ADIPOR2: variants seen among roughly 807,000 people sequenced by gnomAD.
ADIPOR2 encodes adiponectin receptor protein 2.
ADIPOR2 carries 18 observed loss-of-function variants against 40.9 expected under a neutral mutation model. The ratio of observed to expected loss-of-function variants is 0.44; its 90% CI spans 0.30 to 0.65. The LOEUF is 0.65. Ranked by LOEUF, ADIPOR2 falls within the 30% of genes least tolerant of loss-of-function variation. ADIPOR2 has a pLI of 0.09. For missense variants in ADIPOR2, 283 were observed against 479.2 expected, an observed-to-expected ratio of 0.59 and a Z score of 3.82; for synonymous variants, 165 against 166.4, an observed-to-expected ratio of 0.99 and a Z score of 0.06.
Position 1,757,732 on chromosome 12 carries a change from G to A in ADIPOR2, c.171+3218G>A, listed in dbSNP as rs1001445056. On this transcript the variant is annotated intron_variant, in intron 2 of 7. Coordinates refer to ENST00000357103, the MANE Select transcript of ADIPOR2 (RefSeq NM_024551.3). ...ATAGATGAGACGGAAATTCTCCCCC[G>A]TCTTGTCAATGCTGATGACATCCAT... is the stretch of plus-strand genomic sequence containing the variant. The A allele has an allele frequency of 1.1e-5, 14 of 1,288,638 alleles. No homozygotes were observed. The Admixed American group carries it at 1.5e-4, about 14-fold the overall frequency. The allele number at this position is 1,288,638 out of a possible 1,614,324, so 79.8% of individuals were successfully genotyped here.
In ADIPOR2 at chr12:1,787,854, G is replaced by C. The variant is rs1862870937; in HGVS notation, c.*1782G>C. The C allele has an allele frequency of 6.6e-6, 1 of 152,568 alleles. No homozygotes were observed. Among genetic ancestry groups the C allele is most frequent in the Non-Finnish European group, 1.5e-5 (1 of 68,068 alleles). 9.5% of individuals were successfully genotyped at this position (152,568 alleles called of 1,614,324 possible). A position where few individuals can be genotyped will look rare whatever the true frequency, so the allele number is the denominator to read the frequency against. On this transcript the variant is annotated 3_prime_UTR_variant, in exon 8 of 8. Coordinates refer to ENST00000357103, the MANE Select transcript of ADIPOR2 (RefSeq NM_024551.3). Reference sequence around the variant, plus strand: ...AGAAAGAATCCAGTGTAGAAGTTGAGAAGAACTTGAACGTTTTGGTTCTGG... The same window carrying C: ...AGAAAGAATCCAGTGTAGAAGTTGACAAGAACTTGAACGTTTTGGTTCTGG...
chr12:1,691,930 TAGAA>T (rs2094627979), intron 1 of ADIPOR2, among the ~76,000 whole-genome samples: 1 of 152,128 alleles, frequency 6.6e-6, no homozygotes, highest in African/African-American at 2.4e-5. Flanking sequence ...TGAATTTTGG[TAGAA>T]AGATTTAAAT....
intron 1 of ADIPOR2, among the ~76,000 whole-genome samples, chr12:1,720,345 G>C (rs1450429299): frequency 2.0e-5 from 3 of 152,136 alleles, no homozygotes; most frequent in Admixed American, 1.3e-4. Context: ...CTGGTGGGCA[G>C]GGGGTGGAGG....
chr12:1,707,089 T>C (rs1353254230), intron 1 of ADIPOR2, among the ~76,000 whole-genome samples: 1 of 152,228 alleles, frequency 6.6e-6, no homozygotes, highest in Non-Finnish European at 1.5e-5. Context: ...TCCATGTTGC[T>C]TTGTGTTCCA....
At chr12:1,743,515 T>C (rs2094748162) in intron 1 of ADIPOR2, among the ~76,000 whole-genome samples, 2 of 151,722 alleles carry the variant, frequency 1.3e-5, no homozygotes, top group Admixed American at 1.3e-4. Context: ...TACAAAAAAT[T>C]AAAAATTAGC....
At chr12:1,713,981 A>G (rs2094682836) in intron 1 of ADIPOR2, among the ~76,000 whole-genome samples, 1 of 152,088 alleles carries the variant, frequency 6.6e-6, no homozygotes, top group South Asian at 2.1e-4. Flanking sequence ...GGGTGATGAC[A>G]TGAGCTGGCG....
At chr12:1,727,089 A>G (rs1166873585) in intron 1 of ADIPOR2, among the ~76,000 whole-genome samples, 1 of 152,226 alleles carries the variant, frequency 6.6e-6, no homozygotes, top group African/African-American at 2.4e-5. Flanking sequence ...TTTGCACAGA[A>G]TACCTTCTCT....
At chr12:1,740,227 C>T (rs949980819) in intron 1 of ADIPOR2, among the ~76,000 whole-genome samples, 1 of 152,182 alleles carries the variant, frequency 6.6e-6, no homozygotes, top group African/African-American at 2.4e-5. Context: ...AAGTGATGTG[C>T]TATTCTATTG....
rs201082470 is a variant in ADIPOR2, at chr12:1,777,892, A to G, written c.330A>G (p.Val110=). ...GGTGGCGAGTGATCCCTCATGATGT[A>G]CTACCAGACTGGCTCAAGGATAATG... The part of the protein sequence containing the change: ...EGRWRVIPHD[V]LPDWLKDNDF... The change falls in exon 4 of 8, where the codon GTA becomes GTG. Residue 110 remains valine, a synonymous_variant. Transcript: ENST00000357103. 1.4e-5 allele frequency: 22 copies of G among 1,614,028 alleles called. No homozygotes were observed. Among genetic ancestry groups the G allele is most frequent in the Non-Finnish European group, 1.5e-5 (18 of 1,179,968 alleles).
intron 1 of ADIPOR2, among the ~76,000 whole-genome samples, chr12:1,722,161 C>T (rs1367212266): frequency 6.6e-6 from 1 of 152,086 alleles, no homozygotes. Flanking sequence ...TGGCTTGGGC[C>T]AGAGAGTAAA....
intron 1 of ADIPOR2, among the ~76,000 whole-genome samples, chr12:1,725,944 G>A (rs2094707112): frequency 6.6e-6 from 1 of 152,054 alleles, no homozygotes; most frequent in Non-Finnish European, 1.5e-5. Flanking sequence ...TGTATCAGTT[G>A]CAGTTTGGGA....
chr12:1,755,701 G>A (rs1181620850), intron 2 of ADIPOR2, among the ~76,000 whole-genome samples: 1 of 152,080 alleles, frequency 6.6e-6, no homozygotes, highest in African/African-American at 2.4e-5. Flanking sequence ...TATGTGCTTT[G>A]GAACTTCCAA....
intron 1 of ADIPOR2, among the ~76,000 whole-genome samples, chr12:1,723,244 T>A (rs2094701237): frequency 6.6e-6 from 1 of 152,160 alleles, no homozygotes; most frequent in African/African-American, 2.4e-5. Flanking sequence ...TGAACATTTT[T>A]ACCCTGGTTT....
At chr12:1,748,470 A>C (rs190682873) in intron 1 of ADIPOR2, among the ~76,000 whole-genome samples, 31 of 151,930 alleles carry the variant, frequency 2.0e-4, no homozygotes, top group Admixed American at 4.6e-4. Flanking sequence ...GGATGGTCTC[A>C]ATCTCCTGAC....
At chr12:1,723,734 A>G (rs776411622) in intron 1 of ADIPOR2, among the ~76,000 whole-genome samples, 21 of 152,154 alleles carry the variant, frequency 1.4e-4, no homozygotes, top group South Asian at 2.1e-4. Context: ...GTTACAAACT[A>G]TATCATTCCA....
At chr12:1,744,832 T>TA (rs1305299929) in intron 1 of ADIPOR2, among the ~76,000 whole-genome samples, 2 of 152,268 alleles carry the variant, frequency 1.3e-5, no homozygotes, top group Admixed American at 1.3e-4. Flanking sequence ...AATATAAACT[T>TA]TATTCTCAAT....
At chr12:1,716,118 T>C (rs751898286) in intron 1 of ADIPOR2, among the ~76,000 whole-genome samples, 16 of 152,198 alleles carry the variant, frequency 1.1e-4, no homozygotes, top group Non-Finnish European at 1.9e-4. Context: ...AGCGAGTCCA[T>C]GAACCCACTG....
At chr12:1,697,384 T>G (rs2154441215) in intron 1 of ADIPOR2, 1 of 152,776 alleles carries the variant, frequency 6.5e-6, no homozygotes, top group South Asian at 2.1e-4. Flanking sequence ...TCCTATTTGT[T>G]TCTCTTCTTC....
chr12:1,745,198 C>T (rs2094752356), intron 1 of ADIPOR2, among the ~76,000 whole-genome samples: 1 of 152,180 alleles, frequency 6.6e-6, no homozygotes, highest in African/African-American at 2.4e-5. Flanking sequence ...TGCTTTTGCT[C>T]TAACTGGATC....
Sources: allele counts gnomAD v4.1 joint callset (sites outside exome capture counted in the v4.1 genomes callset), GRCh38; gene constraint gnomAD v4.1.1; transcripts MANE v1.5; gene names NCBI Gene and HGNC (gene_info 2026-07-23, HGNC 2026-07-21).